ZBTB20: variants seen among roughly 807,000 people sequenced by gnomAD.
The protein encoded by ZBTB20 is zinc finger and BTB domain-containing protein 20.
In ZBTB20, 9 loss-of-function variants were observed where a neutral mutation model predicts 56.9. The ratio of observed to expected loss-of-function variants is 0.16; its 90% CI spans 0.10 to 0.28. ZBTB20 has a LOEUF of 0.28. ZBTB20 is among the 10% of genes least tolerant of loss of function. The pLI is 1.00. For synonymous variants in ZBTB20, 417 were observed against 420.7 expected, an observed-to-expected ratio of 0.99 and a Z score of 0.11; for missense variants, 655 against 1,003.0, an observed-to-expected ratio of 0.65 and a Z score of 4.69.
At chr3:115,118,203 T>C (rs1293694851) in intron 1 of ZBTB20, among the ~76,000 whole-genome samples, 2 of 151,974 alleles carry the variant, frequency 1.3e-5, no homozygotes, top group Non-Finnish European at 2.9e-5. Context: ...TTTTTAATTT[T>C]TATTTTTTAG....
chr3:114,503,904 T>G (rs376264716), intron 6 of ZBTB20, among the ~76,000 whole-genome samples: 6 of 152,288 alleles, frequency 3.9e-5, no homozygotes, highest in African/African-American at 1.2e-4. Flanking sequence ...CATTTTGAAG[T>G]GATACCGATC....
intron 10 of ZBTB20, among the ~76,000 whole-genome samples, chr3:114,370,565 CTATT>C (rs2082887377): frequency 1.3e-5 from 2 of 152,176 alleles, no homozygotes; most frequent in African/African-American, 2.4e-5. Context: ...TTCTTTTCCT[CTATT>C]TATTCATTCT....
chr3:115,092,091 T>C (rs994878333), intron 1 of ZBTB20, among the ~76,000 whole-genome samples: 1 of 152,152 alleles, frequency 6.6e-6, no homozygotes, highest in Non-Finnish European at 1.5e-5. Context: ...AAGAATTTTT[T>C]ATATACCCTG....
intron 6 of ZBTB20, among the ~76,000 whole-genome samples, chr3:114,567,478 G>A (rs2052913897): frequency 6.6e-6 from 1 of 152,102 alleles, no homozygotes; most frequent in Non-Finnish European, 1.5e-5. Flanking sequence ...TCTTTTGGGG[G>A]AAGTTGAGAT....
chr3:114,498,927 T>G (rs913372012), intron 7 of ZBTB20, among the ~76,000 whole-genome samples: 4 of 152,062 alleles, frequency 2.6e-5, no homozygotes, highest in Non-Finnish European at 4.4e-5. Context: ...CGGGCAGGAG[T>G]GCACTGTGCT....
chr3:114,693,727 A>G (rs865939567), intron 5 of ZBTB20, among the ~76,000 whole-genome samples, 152 bp from the exon 6 acceptor site: 1 of 152,112 alleles, frequency 6.6e-6, no homozygotes, highest in Non-Finnish European at 1.5e-5. Flanking sequence ...TCCCTTTGGG[A>G]ATGGAAATAG....
chr3:114,436,615 A>T (rs1436969771), intron 7 of ZBTB20, among the ~76,000 whole-genome samples: 1 of 152,208 alleles, frequency 6.6e-6, no homozygotes, highest in African/African-American at 2.4e-5. Context: ...TTCATACAAA[A>T]AAAGTAATAT....
chr3:114,417,987 C>T (rs1447160403), intron 7 of ZBTB20, among the ~76,000 whole-genome samples: 1 of 152,026 alleles, frequency 6.6e-6, no homozygotes, highest in Non-Finnish European at 1.5e-5. Context: ...GACAATGCAA[C>T]ATAATCAAGG....
At chr3:114,915,810 C>A (rs1469758972) in intron 3 of ZBTB20, among the ~76,000 whole-genome samples, 1 of 151,974 alleles carries the variant, frequency 6.6e-6, no homozygotes, top group Non-Finnish European at 1.5e-5. Context: ...ATAATTTCTT[C>A]ATTGACCAAC....
chr3:114,633,410 A>AT (rs201095918), intron 6 of ZBTB20, among the ~76,000 whole-genome samples: 11 of 151,774 alleles, frequency 7.2e-5, no homozygotes, highest in Non-Finnish European at 1.2e-4. Context: ...TTTCACTACA[A>AT]TTTTTTTTTC....
At chr3:115,077,522 TTC>T (rs2082638493) in intron 1 of ZBTB20, among the ~76,000 whole-genome samples, 1 of 152,218 alleles carries the variant, frequency 6.6e-6, no homozygotes, top group African/African-American at 2.4e-5. Context: ...AGTAATAAAT[TTC>T]TGTTGTTCAT....
intron 6 of ZBTB20, among the ~76,000 whole-genome samples, chr3:114,688,850 T>A (rs1253202110): frequency 6.6e-6 from 1 of 152,132 alleles, no homozygotes; most frequent in Non-Finnish European, 1.5e-5. Context: ...GACCGAAATG[T>A]ATACATCAAC....
intron 6 of ZBTB20, among the ~76,000 whole-genome samples, chr3:114,612,728 C>A (rs2107700199): frequency 6.6e-6 from 1 of 152,120 alleles, no homozygotes; most frequent in African/African-American, 2.4e-5. Context: ...TCAGCACTAG[C>A]CTAGGGATAG....
At chr3:115,066,234 G>T (rs965276557) in intron 2 of ZBTB20, among the ~76,000 whole-genome samples, 1 of 151,556 alleles carries the variant, frequency 6.6e-6, no homozygotes, top group Non-Finnish European at 1.5e-5. Context: ...CTGACCTCTG[G>T]CTGGCCACCA....
chr3:115,043,472 G>C (rs111311401), intron 2 of ZBTB20, among the ~76,000 whole-genome samples: 8 of 151,674 alleles, frequency 5.3e-5, no homozygotes, highest in African/African-American at 1.9e-4. Context: ...GGGAGGCTGA[G>C]GCAAGAGACT....
chr3:114,419,621 T>C (rs1368258149), intron 7 of ZBTB20, among the ~76,000 whole-genome samples: 2 of 152,160 alleles, frequency 1.3e-5, no homozygotes, highest in Non-Finnish European at 2.9e-5. Flanking sequence ...ATCCTCTTTG[T>C]ATAATTTTAA....
intron 2 of ZBTB20, among the ~76,000 whole-genome samples, chr3:115,060,936 G>A (rs1035866499): frequency 1.3e-5 from 2 of 152,034 alleles, no homozygotes; most frequent in Non-Finnish European, 1.5e-5. Context: ...AGTTAACTCT[G>A]TAGGTTAGAG....
intron 1 of ZBTB20, among the ~76,000 whole-genome samples, chr3:115,121,841 G>A (rs1274242553): frequency 1.3e-5 from 2 of 151,980 alleles, no homozygotes; most frequent in Non-Finnish European, 2.9e-5. Context: ...CCAAGTCTTA[G>A]TTTATTCTTA....
intron 7 of ZBTB20, among the ~76,000 whole-genome samples, chr3:114,492,928 T>G (rs1394142151): frequency 6.6e-6 from 1 of 152,184 alleles, no homozygotes; most frequent in Non-Finnish European, 1.5e-5. Flanking sequence ...AGCAATTTTA[T>G]TACATCCATA....
Sources: allele counts gnomAD v4.1 joint callset (sites outside exome capture counted in the v4.1 genomes callset), GRCh38; gene constraint gnomAD v4.1.1; transcripts MANE v1.5; gene names NCBI Gene and HGNC (gene_info 2026-07-23, HGNC 2026-07-21).